Variants in IRAK1BP1 observed in about 807,000 individuals in gnomAD.
IRAK1BP1 encodes interleukin 1 receptor associated kinase 1 binding protein 1, also known as interleukin-1 receptor-associated kinase 1-binding protein 1.
IRAK1BP1 carries 24 observed loss-of-function variants against 28.0 expected under a neutral mutation model. The observed-to-expected ratio is 0.86, with a 90% CI of 0.62 to 1.20. IRAK1BP1 has a LOEUF of 1.20. Among genes scored for constraint, IRAK1BP1 ranks in the 50% most tolerant of loss-of-function variants. The probability of loss-of-function intolerance (pLI) is 0.00; values close to 1 mark genes in which losing one functional copy is unlikely to be tolerated. For synonymous variants in IRAK1BP1, 131 were observed against 116.3 expected (o/e 1.13, Z -0.81); for missense variants, 336 against 316.7 (o/e 1.06, Z -0.46).
the IRAK1BP1 span, among the ~76,000 whole-genome samples, chr6:78,952,741 AT>A: frequency 1.3e-5 from 2 of 152,002 alleles, no homozygotes; most frequent in South Asian, 4.1e-4. Flanking sequence ...TATTTAGTTG[AT>A]TTTAATATGT....
At chr6:78,918,471 A>G (rs758355548) in intron 4 of IRAK1BP1, among the ~76,000 whole-genome samples, 1 of 150,954 alleles carries the variant, frequency 6.6e-6, no homozygotes, top group African/African-American at 2.4e-5. Context: ...TATGACACTC[A>G]TAGGCTCAGA....
chr6:78,978,729 A>G, the IRAK1BP1 span: 3 of 1,581,364 alleles, frequency 1.9e-6, no homozygotes, highest in Non-Finnish European at 1.7e-6. Flanking sequence ...AATTTAAGTA[A>G]TAATTGTTAA....
chr6:78,882,652 A>G (rs906492293), intron 1 of IRAK1BP1, among the ~76,000 whole-genome samples: 5 of 152,204 alleles, frequency 3.3e-5, no homozygotes, highest in African/African-American at 4.8e-5. Flanking sequence ...CAAGGTCATG[A>G]AAAACAAAGG....
intron 4 of IRAK1BP1, among the ~76,000 whole-genome samples, chr6:78,915,213 T>C (rs550862065): frequency 1.3e-5 from 2 of 152,342 alleles, no homozygotes; most frequent in South Asian, 4.1e-4. Context: ...GATCACTGTA[T>C]ATTACAATGC....
intron 4 of IRAK1BP1, among the ~76,000 whole-genome samples, chr6:78,943,006 C>T (rs1209752907): frequency 6.6e-6 from 1 of 152,126 alleles, no homozygotes; most frequent in Non-Finnish European, 1.5e-5. Flanking sequence ...AAAAGTTATG[C>T]AGCTTAGGAA....
chr6:78,945,613 A>G, exon 5 of IRAK1BP1: 1 of 689,244 alleles, frequency 1.5e-6, no homozygotes, highest in South Asian at 1.9e-5. Flanking sequence ...GGATGCTTAA[A>G]GCTTTCTTAG....
chr6:78,955,550 C>CA, the IRAK1BP1 span: 2 of 613,324 alleles, frequency 3.3e-6, no homozygotes, highest in East Asian at 6.1e-5. Context: ...CTGAAAACTA[C>CA]AATATGTAAA....
chr6:78,875,799 C>T (rs942682940), intron 1 of IRAK1BP1, among the ~76,000 whole-genome samples: 6 of 152,036 alleles, frequency 3.9e-5, no homozygotes, highest in South Asian at 2.1e-4. Context: ...AGTTGTACCC[C>T]ACACCTCAGC....
At chr6:78,912,940 T>C (rs1336786894) in intron 4 of IRAK1BP1, among the ~76,000 whole-genome samples, 1 of 152,192 alleles carries the variant, frequency 6.6e-6, no homozygotes, top group African/African-American at 2.4e-5. Flanking sequence ...AATATTTGAA[T>C]GTTTATAATT....
At chr6:78,889,619 A>T (rs919579914) in intron 2 of IRAK1BP1, among the ~76,000 whole-genome samples, 1 of 152,120 alleles carries the variant, frequency 6.6e-6, no homozygotes, top group Non-Finnish European at 1.5e-5. Context: ...GAGGGTATGA[A>T]CAGACACTTC....
At chr6:78,931,638 A>G (rs1156390617) in intron 4 of IRAK1BP1, among the ~76,000 whole-genome samples, 4 of 152,228 alleles carry the variant, frequency 2.6e-5, no homozygotes, top group African/African-American at 9.6e-5. Context: ...AGTCTGTTAC[A>G]TGTGCAACAG....
intron 2 of IRAK1BP1, among the ~76,000 whole-genome samples, chr6:78,894,861 C>A (rs1771823815): frequency 6.6e-6 from 1 of 152,146 alleles, no homozygotes. Context: ...GTAATCCCAG[C>A]ACTTTAGGAA....
chr6:78,883,286 A>C (rs960356912), intron 1 of IRAK1BP1, among the ~76,000 whole-genome samples: 1 of 152,136 alleles, frequency 6.6e-6, no homozygotes, highest in Non-Finnish European at 1.5e-5. Flanking sequence ...AAAATGTAGA[A>C]TATAATTTTA....
downstream of IRAK1BP1, among the ~76,000 whole-genome samples, chr6:78,906,227 CTT>C (rs143597980): frequency 2.1e-4 from 32 of 149,574 alleles, no homozygotes; most frequent in Middle Eastern, 6.9e-3. Flanking sequence ...ATTGAATACT[CTT>C]TTTTTTTTCT....
downstream of IRAK1BP1, among the ~76,000 whole-genome samples, chr6:78,949,046 C>T (rs1287433709): frequency 6.6e-6 from 1 of 152,106 alleles, no homozygotes; most frequent in Non-Finnish European, 1.5e-5. Context: ...TGAGAGTGAA[C>T]ATTTTTCAGT....
At chr6:78,927,204 C>G (rs377180930) in intron 4 of IRAK1BP1, among the ~76,000 whole-genome samples, 1 of 152,090 alleles carries the variant, frequency 6.6e-6, no homozygotes, top group East Asian at 1.9e-4. Flanking sequence ...TCCTCGCCAA[C>G]ATTTGTTATT....
intron 4 of IRAK1BP1, among the ~76,000 whole-genome samples, chr6:78,925,836 A>G (rs1175416926): frequency 6.6e-6 from 1 of 152,228 alleles, no homozygotes; most frequent in Non-Finnish European, 1.5e-5. Flanking sequence ...TGGTACATAT[A>G]CACCATGGAA....
chr6:78,959,849 A>G, the IRAK1BP1 span, among the ~76,000 whole-genome samples: 1 of 152,148 alleles, frequency 6.6e-6, no homozygotes, highest in African/African-American at 2.4e-5. Context: ...CTGTAAATTC[A>G]AAATACCATT....
chr6:78,878,383 CAG>C (rs1379960725), intron 1 of IRAK1BP1, among the ~76,000 whole-genome samples: 3 of 152,206 alleles, frequency 2.0e-5, no homozygotes, highest in East Asian at 1.9e-4. Flanking sequence ...CCCAGGCAAA[CAG>C]GGTCTGGAGT....
Sources: gnomAD v4.1 joint callset for allele counts (sites outside exome capture counted in the v4.1 genomes callset) on GRCh38, gnomAD v4.1.1 for gene constraint, MANE v1.5 for transcripts, NCBI Gene and HGNC (gene_info 2026-07-23, HGNC 2026-07-21) for gene names.